The following STIM1 variants were observed in gnomAD, a reference collection of about 807,000 sequenced individuals.
STIM1 encodes the protein stromal interaction molecule 1.
A neutral mutation model predicts 74.7 loss-of-function variants in STIM1; 25 were observed. The ratio of observed to expected loss-of-function variants is 0.33; its 90% CI spans 0.24 to 0.47. The LOEUF is 0.47. STIM1 is among the 20% of genes least tolerant of loss of function. The pLI is 1.00. For missense variants in STIM1, 728 were observed against 920.8 expected, an observed-to-expected ratio of 0.79 and a Z score of 2.71; for synonymous variants, 328 against 348.8, an observed-to-expected ratio of 0.94 and a Z score of 0.66.
chr11:3,870,462 G>A (rs775742966), intron 1 of STIM1, among the ~76,000 whole-genome samples: 1 of 152,174 alleles, frequency 6.6e-6, no homozygotes, highest in Middle Eastern at 3.2e-3. Flanking sequence ...GGAGGCATTG[G>A]AAGTAAATAT....
chr11:4,033,988 T>C (rs549428447), intron 3 of STIM1, among the ~76,000 whole-genome samples: 1 of 151,886 alleles, frequency 6.6e-6, no homozygotes, highest in Non-Finnish European at 1.5e-5. Flanking sequence ...CCCAGCACTT[T>C]GGGAGGCTGA....
intron 1 of STIM1, among the ~76,000 whole-genome samples, chr11:3,903,286 G>A (rs2092394700): frequency 6.6e-6 from 1 of 152,168 alleles, no homozygotes; most frequent in Admixed American, 6.5e-5. Flanking sequence ...ACAGTTTTAA[G>A]CAATGAGAAG....
intron 1 of STIM1, among the ~76,000 whole-genome samples, chr11:3,884,794 A>AAGG (rs59961288): frequency 1.3e-5 from 2 of 151,488 alleles, no homozygotes; most frequent in South Asian, 2.1e-4. Flanking sequence ...AAAAAAAAAA[A>AAGG]GGGGTATGTT....
intron 1 of STIM1, among the ~76,000 whole-genome samples, chr11:3,944,309 T>G (rs1302903557): frequency 6.6e-6 from 1 of 152,234 alleles, no homozygotes; most frequent in Non-Finnish European, 1.5e-5. Flanking sequence ...GATGAGCTGA[T>G]GGAGGGGAAT....
chr11:3,914,524 C>G (rs1272971434), intron 1 of STIM1, among the ~76,000 whole-genome samples: 2 of 152,190 alleles, frequency 1.3e-5, no homozygotes, highest in Non-Finnish European at 2.9e-5. Context: ...TCACTGCAAT[C>G]TCTGCCTCTT....
chr11:4,088,826 A>C (rs2094507722), intron 12 of STIM1: 1 of 1,366,268 alleles, frequency 7.3e-7, no homozygotes, highest in East Asian at 2.5e-5. Context: ...CAGGGAGGGA[A>C]GGTGAGCCTG....
intron 2 of STIM1, among the ~76,000 whole-genome samples, chr11:4,009,831 G>C (rs1590644711): frequency 6.6e-6 from 1 of 151,714 alleles, no homozygotes; most frequent in Non-Finnish European, 1.5e-5. Context: ...TTATTTTTTT[G>C]AGACAGGATC....
At chr11:3,895,738 T>TCC (rs1266779590) in intron 1 of STIM1, among the ~76,000 whole-genome samples, 2 of 31,812 alleles carry the variant, frequency 6.3e-5, no homozygotes, top group East Asian at 9.9e-4. Context: ...TTCTTTCTTT[T>TCC]TCTTTCTTCC....
chr11:4,001,352 T>G (rs11030580), intron 2 of STIM1, among the ~76,000 whole-genome samples: 36,645 of 151,448 alleles, frequency 0.24, 5,578 homozygotes, highest in South Asian at 0.45. Context: ...TCGGGTTACC[T>G]TCAAAGGGAA....
intron 1 of STIM1, among the ~76,000 whole-genome samples, chr11:3,894,562 T>C (rs1338226197): frequency 6.6e-6 from 1 of 152,204 alleles, no homozygotes; most frequent in Admixed American, 6.5e-5. Context: ...TTCCATAGCC[T>C]ACAGGTTCTC....
intron 1 of STIM1, among the ~76,000 whole-genome samples, chr11:3,857,535 T>G (rs1256473749): frequency 2.0e-5 from 3 of 152,024 alleles, no homozygotes; most frequent in Non-Finnish European, 4.4e-5. Context: ...ATCAAGGAAC[T>G]CTATTAAAAT....
At chr11:3,864,393 A>G (rs934053621) in intron 1 of STIM1, among the ~76,000 whole-genome samples, 3 of 152,176 alleles carry the variant, frequency 2.0e-5, no homozygotes, top group Non-Finnish European at 4.4e-5. Flanking sequence ...CTCTCATGAG[A>G]TGGCAGTCAA....
intron 2 of STIM1, among the ~76,000 whole-genome samples, chr11:4,003,078 A>G (rs1238447955): frequency 6.7e-6 from 1 of 148,668 alleles, no homozygotes; most frequent in African/African-American, 2.4e-5. Flanking sequence ...ACAGGATCTG[A>G]AATTGTGGCA....
chr11:3,883,580 T>C (rs1418955663), intron 1 of STIM1, among the ~76,000 whole-genome samples: 1 of 152,220 alleles, frequency 6.6e-6, no homozygotes, highest in Non-Finnish European at 1.5e-5. Context: ...CTCGAACTCC[T>C]GACCTCAGGT....
At chr11:3,943,092 T>C (rs956901457) in intron 1 of STIM1, among the ~76,000 whole-genome samples, 4 of 152,202 alleles carry the variant, frequency 2.6e-5, no homozygotes, top group African/African-American at 9.7e-5. Flanking sequence ...TAGTCTGCTC[T>C]TAGAGAGCTT....
intron 1 of STIM1, among the ~76,000 whole-genome samples, chr11:3,918,377 C>T (rs372472832): frequency 6.6e-6 from 1 of 151,836 alleles, no homozygotes; most frequent in African/African-American, 2.4e-5. Context: ...ATTAGCTGGG[C>T]GTGGTGGCTT....
intron 2 of STIM1, among the ~76,000 whole-genome samples, chr11:4,021,809 C>T (rs1338755716): frequency 6.6e-6 from 1 of 152,072 alleles, no homozygotes; most frequent in African/African-American, 2.4e-5. Flanking sequence ...TCTTCCAACC[C>T]ATGTACATAG....
chr11:4,018,681 C>A (rs1786961982), intron 2 of STIM1, among the ~76,000 whole-genome samples: 1 of 149,560 alleles, frequency 6.7e-6, no homozygotes, highest in Non-Finnish European at 1.5e-5. Flanking sequence ...AAAGGGGGAT[C>A]TGTGTTCTGG....
At position 3,934,838 on chromosome 11, in the gene STIM1, C is replaced by T. The variant is rs115987466; in HGVS notation, c.140-32714C>T. On this transcript the variant is annotated intron_variant, in intron 1 of 12. Transcript: ENST00000526596. ...ACAGATGTTATCTTTGCCTGCTTTG[C>T]CCTTCACCTCACAGTGCTCTTCTAA... 1.1e-3 allele frequency among the ~76,000 whole-genome samples: 171 copies of T among 152,336 alleles called. 1 individual carries two copies. The highest frequency in any genetic ancestry group is 3.9e-3 in the African/African-American group (163 of 41,586).
Sources: gnomAD v4.1 joint callset for allele counts (sites outside exome capture counted in the v4.1 genomes callset) on GRCh38, gnomAD v4.1.1 for gene constraint, MANE v1.5 for transcripts, NCBI Gene and HGNC (gene_info 2026-07-23, HGNC 2026-07-21) for gene names.